Variants in ERGIC1 observed in about 807,000 individuals in gnomAD.
ERGIC1 encodes endoplasmic reticulum-Golgi intermediate compartment protein 1.
ERGIC1 carries 19 observed loss-of-function variants against 38.3 expected under a neutral mutation model. That is an observed-to-expected ratio of 0.50 (90% CI 0.35 to 0.73). ERGIC1 has a LOEUF of 0.73. ERGIC1 is among the 30% of genes least tolerant of loss of function. ERGIC1 has a pLI of 0.01. For synonymous variants in ERGIC1, 124 were observed against 157.6 expected, an observed-to-expected ratio of 0.79 and a Z score of 1.60; for missense variants, 294 against 389.2, an observed-to-expected ratio of 0.76 and a Z score of 2.06.
intron 9 of ERGIC1, among the ~76,000 whole-genome samples, chr5:172,944,812 A>G (rs1764085339): frequency 6.6e-6 from 1 of 152,222 alleles, no homozygotes; most frequent in South Asian, 2.1e-4. Context: ...CTCCAGGCAC[A>G]GCAACTTAGT....
At chr5:172,919,909 G>A (rs550313946) in intron 5 of ERGIC1, among the ~76,000 whole-genome samples, 10 of 152,288 alleles carry the variant, frequency 6.6e-5, no homozygotes, top group Admixed American at 3.9e-4. Flanking sequence ...TGGCTGCCAC[G>A]TACTAGGTTC....
At chr5:172,906,609 GA>G (rs1188935698) in intron 3 of ERGIC1, among the ~76,000 whole-genome samples, 2 of 152,160 alleles carry the variant, frequency 1.3e-5, no homozygotes, top group African/African-American at 4.8e-5. Context: ...TAGTAAAAAC[GA>G]AATTCCTTTG....
At chr5:172,872,072 C>T (rs1762028614) in intron 1 of ERGIC1, among the ~76,000 whole-genome samples, 1 of 152,194 alleles carries the variant, frequency 6.6e-6, no homozygotes, top group Admixed American at 6.5e-5. Context: ...CTTCGCTGTG[C>T]TCCCAGCCCA....
intron 5 of ERGIC1, among the ~76,000 whole-genome samples, chr5:172,919,577 C>T (rs572199585): frequency 3.3e-4 from 51 of 152,336 alleles, no homozygotes; most frequent in African/African-American, 1.0e-3. Flanking sequence ...TCAAGGATCC[C>T]GGCTACCATG....
chr5:172,851,475 C>G (rs1761402769), intron 1 of ERGIC1, among the ~76,000 whole-genome samples: 1 of 152,206 alleles, frequency 6.6e-6, no homozygotes, highest in Admixed American at 6.5e-5. Flanking sequence ...CGCCACTGCA[C>G]TCCAGCCTGG....
Position 172,942,741 on chromosome 5 carries a change from G to A in ERGIC1, c.765+7431G>A, listed in dbSNP as rs1340536364. ...GGGTCTGTACAGAGAGGGGCCTCCTGGCGCGTGCGTTCCCAGAGCAGGTTC... is the reference window on the plus strand; with the variant it reads ...GGGTCTGTACAGAGAGGGGCCTCCTAGCGCGTGCGTTCCCAGAGCAGGTTC... On this transcript the variant is annotated intron_variant, in intron 9 of 9. Coordinates refer to ENST00000393784, the MANE Select transcript of ERGIC1 (RefSeq NM_001031711.3). Among the ~76,000 whole-genome samples the A allele has an allele frequency of 2.0e-5, 3 of 152,204 alleles. No homozygotes were observed. In the South Asian group the frequency reaches 6.2e-4, roughly 31 times the overall value.
chr5:172,886,371 C>T (rs1441664901), intron 1 of ERGIC1, among the ~76,000 whole-genome samples: 1 of 152,126 alleles, frequency 6.6e-6, no homozygotes, highest in Non-Finnish European at 1.5e-5. Flanking sequence ...TCTGTGCACA[C>T]ATCACCCCCT....
chr5:172,898,105 C>A, intron 3 of ERGIC1: 2 of 389,140 alleles, frequency 5.1e-6, no homozygotes, highest in Non-Finnish European at 9.1e-6. Context: ...AAAGTCATCA[C>A]GGAGCTCGGC....
chr5:172,914,901 T>C (rs532566384), intron 5 of ERGIC1, 63 bp downstream of exon 5: 23 of 1,608,840 alleles, frequency 1.4e-5, no homozygotes, highest in Non-Finnish European at 1.9e-5. Flanking sequence ...CCCCGCTCCC[T>C]GGAAACTGGT....
intron 2 of ERGIC1, among the ~76,000 whole-genome samples, chr5:172,892,776 C>T (rs1762600851): frequency 6.6e-6 from 1 of 152,146 alleles, no homozygotes; most frequent in South Asian, 2.1e-4. Flanking sequence ...TATACCTTCT[C>T]TGAGCCAGGC....
chr5:172,910,932 C>A (rs931915353), intron 4 of ERGIC1, among the ~76,000 whole-genome samples: 1 of 152,164 alleles, frequency 6.6e-6, no homozygotes, highest in African/African-American at 2.4e-5. Context: ...GTGACCTCTC[C>A]GAGCCTCAGA....
intron 2 of ERGIC1, 33 bp from the exon 3 acceptor site, chr5:172,896,969 C>CTG: frequency 3.7e-6 from 6 of 1,607,668 alleles, no homozygotes; most frequent in Non-Finnish European, 3.4e-6. Context: ...GCCCACCACC[C>CTG]TTAACAGTTT....
chr5:172,841,868 G>A (rs1191666562), intron 1 of ERGIC1, among the ~76,000 whole-genome samples: 1 of 152,148 alleles, frequency 6.6e-6, no homozygotes, highest in East Asian at 1.9e-4. Context: ...GTTAGCATAT[G>A]ATAAAATTAA....
intron 9 of ERGIC1, among the ~76,000 whole-genome samples, chr5:172,947,684 C>T (rs1764153191): frequency 6.6e-6 from 1 of 152,252 alleles, no homozygotes; most frequent in South Asian, 2.1e-4. Flanking sequence ...GAGCCAGTTG[C>T]ATAGCAGTTT....
intron 4 of ERGIC1, among the ~76,000 whole-genome samples, chr5:172,911,655 C>T (rs1053526861): frequency 4.6e-5 from 7 of 152,296 alleles, no homozygotes; most frequent in East Asian, 1.9e-4. Flanking sequence ...CTCTGCCACC[C>T]GACAGCAGTG....
intron 3 of ERGIC1, among the ~76,000 whole-genome samples, chr5:172,908,638 G>A (rs1763118990): frequency 1.3e-5 from 2 of 152,064 alleles, no homozygotes; most frequent in Admixed American, 1.3e-4. Context: ...TTTGGAACTG[G>A]GAGAAGGGGC....
In ERGIC1 at chr5:172,846,089, TCTC is replaced by T. The variant is rs200990247; in HGVS notation, c.20+11657_20+11659del. ...AGCATCCCCAGAGGTGAAGCGCCCT[TCTC>T]AGCACATCCCATGGGGGTCCATGGC... On this transcript the variant is annotated intron_variant, in intron 1 of 9. Coordinates refer to ENST00000393784, the MANE Select transcript of ERGIC1 (RefSeq NM_001031711.3). The surrounding 1 kb of genome is among the most constrained non-coding windows in gnomAD (Gnocchi z 4.0). 6.9e-3 allele frequency among the ~76,000 whole-genome samples: 1,049 copies of T among 152,252 alleles called. 11 individuals carry two copies. Among genetic ancestry groups the T allele is most frequent in the African/African-American group, 0.024 (998 of 41,558 alleles).
intron 9 of ERGIC1, among the ~76,000 whole-genome samples, chr5:172,939,437 A>T (rs770237546): frequency 1.4e-4 from 21 of 152,222 alleles, no homozygotes; most frequent in Non-Finnish European, 2.8e-4. Context: ...TATGAAGTCC[A>T]TGCCACCCCC....
At chr5:172,897,543 ACTTT>A (rs1762753745) in intron 3 of ERGIC1, among the ~76,000 whole-genome samples, 1 of 152,068 alleles carries the variant, frequency 6.6e-6, no homozygotes, top group Non-Finnish European at 1.5e-5. Flanking sequence ...TCTTAAAAGG[ACTTT>A]AAAGTGAGAG....
Sources: allele counts gnomAD v4.1 joint callset (sites outside exome capture counted in the v4.1 genomes callset), GRCh38; gene constraint gnomAD v4.1.1; non-coding constraint Gnocchi (gnomAD v3.1); transcripts MANE v1.5; gene names NCBI Gene and HGNC (gene_info 2026-07-23, HGNC 2026-07-21).